STC1: variants seen among roughly 807,000 people sequenced by gnomAD.
STC1 encodes the protein stanniocalcin 1, also known as stanniocalcin-1.
STC1 carries 7 observed loss-of-function variants against 22.6 expected under a neutral mutation model. That is an observed-to-expected ratio of 0.31 (90% confidence interval 0.18 to 0.58). STC1 has a LOEUF of 0.58. STC1 is among the 20% of genes least tolerant of loss of function. The probability of loss-of-function intolerance (pLI) is 0.89; values close to 1 mark genes in which losing one functional copy is unlikely to be tolerated. For synonymous variants in STC1, 113 were observed against 120.7 expected (o/e 0.94, Z 0.42); for missense variants, 224 against 311.0 (o/e 0.72, Z 2.10).
At chr8:23,845,140 C>T (rs1414101563) in intron 3 of STC1, 100 bp from the exon 4 acceptor site, 2 of 1,260,576 alleles carry the variant, frequency 1.6e-6, no homozygotes, top group Non-Finnish European at 2.2e-6. Context: ...CCCTAATGGC[C>T]TGACCATGCA....
intron 2 of STC1, among the ~76,000 whole-genome samples, chr8:23,851,761 AG>A (rs1270627528): frequency 1.3e-5 from 2 of 152,030 alleles, no homozygotes; most frequent in Non-Finnish European, 2.9e-5. Context: ...ATGAAATTAC[AG>A]AAAAAAAAGA....
rs1445208329 is a variant in STC1 at position 23,854,684 on chromosome 8, T to TGCTGCTGCCACCGGTGCCTCC, written c.-182_-162dup. 2.7e-6 allele frequency: 2 copies of TGCTGCTGCCACCGGTGCCTCC among 752,890 alleles called. No individual in the cohort carries two copies. The highest frequency in any genetic ancestry group is 4.8e-6 in the Non-Finnish European group (2 of 419,448). 46.6% of individuals were successfully genotyped at this position (752,890 alleles called of 1,614,324 possible). On this transcript the variant is annotated 5_prime_UTR_variant, in exon 1 of 4. Transcript: ENST00000290271. ...TTTTTGTTGTTGTTGCTGGTGATGC[T>TGCTGCTGCCACCGGTGCCTCC]GCTGCTGCCACCGGTGCCTCCGCTG... is the stretch of plus-strand genomic sequence containing the variant.
Position 23,843,820 on chromosome 8 carries a change from A to C in STC1, c.*950T>G, listed in dbSNP as rs1235791149. The stretch of plus-strand genomic sequence containing the variant: ...AGGCCCATCTTAAGTTTTGATGTTG[A>C]ATTAAAACTACTTCTACCCCCTTAG... On this transcript the variant is annotated 3_prime_UTR_variant, in exon 4 of 4. Coordinates refer to ENST00000290271, the MANE Select transcript of STC1 (RefSeq NM_003155.3). 1.3e-5 allele frequency: 2 copies of C among 152,644 alleles called. No individual in the cohort carries two copies. Among genetic ancestry groups the C allele is most frequent in the Non-Finnish European group, 2.9e-5 (2 of 68,038 alleles). The allele number at this position is 152,644 out of a possible 1,614,324, so 9.5% of individuals were successfully genotyped here.
Position 23,852,314 on chromosome 8 carries a change from G to C in STC1, c.189C>G (p.Ser63=). The part of the protein sequence containing the change: ...GCGAFACLEN[S]TCDTDGMYDI... ...CATACATCCCATCTGTGTCACAGGTGGAGTTTTCCAGGCATGCAAAAGCCC... is the reference window on the plus strand; with the variant it reads ...CATACATCCCATCTGTGTCACAGGTCGAGTTTTCCAGGCATGCAAAAGCCC... The change falls in exon 2 of 4, where the codon TCC becomes TCG. Residue 63 remains serine, a synonymous_variant. Coordinates refer to ENST00000290271, the MANE Select transcript of STC1 (RefSeq NM_003155.3). The C allele has an allele frequency of 6.2e-7, 1 of 1,614,092 alleles. No individual in the cohort carries two copies. The highest frequency in any genetic ancestry group is 8.5e-7 in the Non-Finnish European group (1 of 1,180,014).
At chr8:23,853,017 A>G (rs892810398) in intron 1 of STC1, among the ~76,000 whole-genome samples, 2 of 150,210 alleles carry the variant, frequency 1.3e-5, no homozygotes, top group Non-Finnish European at 2.9e-5. Context: ...AATCTCTTTC[A>G]TATTAAAAGC....
At chr8:23,852,074 G>A (rs1802644605) in intron 2 of STC1, among the ~76,000 whole-genome samples, 168 bp downstream of exon 2, 1 of 152,020 alleles carries the variant, frequency 6.6e-6, no homozygotes, top group East Asian at 1.9e-4. Flanking sequence ...GTGTGTGTGT[G>A]TGTGTGTGCA....
intron 2 of STC1, 94 bp downstream of exon 2, chr8:23,852,148 G>T: frequency 2.0e-6 from 3 of 1,513,092 alleles, no homozygotes; most frequent in Non-Finnish European, 2.7e-6. Context: ...GAGAAGCAGG[G>T]CTGGTTCCCT....
chr8:23,845,016 G>A lies in STC1; in HGVS notation c.498C>T (p.Ser166=), dbSNP rs748018181. The change falls in exon 4 of 4, where the codon AGC becomes AGT. Residue 166 remains serine, a synonymous_variant. Coordinates refer to ENST00000290271, the MANE Select transcript of STC1 (RefSeq NM_003155.3). ...SNRYYNRLVR[S]LLECDEDTVS... ...CTGTGTCTTCATCACATTCCAGCAG[G>A]CTTCGGACAAGTCTGTTATAGTATC... 21 of 1,614,018 alleles carry A rather than the reference G, an allele frequency of 1.3e-5. No homozygotes were observed. In the South Asian group the frequency reaches 1.6e-4, roughly 13 times the overall value.
chr8:23,850,010 C>A (rs1396978193), intron 3 of STC1, among the ~76,000 whole-genome samples: 1 of 152,072 alleles, frequency 6.6e-6, no homozygotes, highest in Non-Finnish European at 1.5e-5. Flanking sequence ...TCTGAGGAAA[C>A]CATTTAGAAC....
chr8:23,854,527 C>T lies in STC1; in HGVS notation c.-4G>A. On this transcript the variant is annotated 5_prime_UTR_variant, in exon 1 of 4. Coordinates refer to ENST00000290271, the MANE Select transcript of STC1 (RefSeq NM_003155.3). The stretch of plus-strand genomic sequence containing the variant: ...GCACTGCTGAGTTTTGGAGCATTCT[C>T]TGAGAAGTTTCCGCTAAGTTGTTGG... The T allele has an allele frequency of 1.2e-6, 2 of 1,612,684 alleles. No individual in the cohort carries two copies. The highest frequency in any genetic ancestry group is 1.1e-5 in the South Asian group (1 of 90,888).
Position 23,842,592 on chromosome 8 carries a change from G to C in STC1, c.*2178C>G, listed in dbSNP as rs1406232469. On this transcript the variant is annotated 3_prime_UTR_variant, in exon 4 of 4. Transcript: ENST00000290271. ...GAACTACTTGTCGCATTGGGGTCCT[G>C]GCTTAGTTGGGTTTGCAAAATGGAC... 6.6e-6 allele frequency: 1 copy of C among 152,176 alleles called. No individual in the cohort carries two copies. Among genetic ancestry groups the C allele is most frequent in the African/African-American group, 2.4e-5 (1 of 41,356 alleles). The allele number at this position is 152,176 out of a possible 1,614,324, so 9.4% of individuals were successfully genotyped here.
At chr8:23,846,207 C>T (rs1339656474) in intron 3 of STC1, among the ~76,000 whole-genome samples, 1 of 151,854 alleles carries the variant, frequency 6.6e-6, no homozygotes, top group Non-Finnish European at 1.5e-5. Flanking sequence ...CTTTAAATAC[C>T]CCCAAGCAAT....
At position 23,852,796 on chromosome 8, in the gene STC1, G is replaced by A. The variant is rs148818225; in HGVS notation, c.119-412C>T. On this transcript the variant is annotated intron_variant, in intron 1 of 3. Transcript: ENST00000290271. ...GTGGTCAGGTTTAAGAGGTAAAAGG[G>A]CCAGGGAATCCATCTAGCTTTGGAA... 1.4e-4 allele frequency among the ~76,000 whole-genome samples: 22 copies of A among 152,252 alleles called. No homozygotes were observed. In the East Asian group the frequency reaches 4.1e-3, roughly 28 times the overall value.
intron 2 of STC1, 137 bp downstream of exon 2, chr8:23,852,105 C>T: frequency 2.1e-6 from 2 of 972,360 alleles, no homozygotes; most frequent in Non-Finnish European, 3.1e-6. Context: ...TGTGCATACA[C>T]ATGCTGAGAT....
Position 23,844,405 on chromosome 8 carries a change from C to T in STC1, c.*365G>A, listed in dbSNP as rs1802546608. 8.2e-6 allele frequency: 2 copies of T among 243,508 alleles called. No individual in the cohort carries two copies. The highest frequency in any genetic ancestry group is 5.0e-5 in the Admixed American group (1 of 20,076). The allele number at this position is 243,508 out of a possible 1,614,324, so 15.1% of individuals were successfully genotyped here. A position where few individuals can be genotyped will look rare whatever the true frequency, so the allele number is the denominator to read the frequency against. ...TCCTTATCAGCTAACTCTACTGGGG[C>T]AACCGTTCTAAAGGGATCCACATCT... On this transcript the variant is annotated 3_prime_UTR_variant, in exon 4 of 4. Coordinates refer to ENST00000290271, the MANE Select transcript of STC1 (RefSeq NM_003155.3).
At chr8:23,851,553 A>C (rs1802638119) in intron 2 of STC1, 22 bp from the exon 3 acceptor site, 1 of 1,612,560 alleles carries the variant, frequency 6.2e-7, no homozygotes, top group African/African-American at 1.3e-5. Flanking sequence ...GAAGGACAAG[A>C]GGGAGGTCTT....
At chr8:23,846,192 G>A (rs546109869) in intron 3 of STC1, among the ~76,000 whole-genome samples, 4 of 152,020 alleles carry the variant, frequency 2.6e-5, no homozygotes, top group African/African-American at 7.3e-5. Flanking sequence ...TCTTTGCAGC[G>A]AATTCTTTAA....
At chr8:23,845,176 G>T in intron 3 of STC1, 136 bp from the exon 4 acceptor site, 2 of 924,926 alleles carry the variant, frequency 2.2e-6, no homozygotes, top group Non-Finnish European at 3.2e-6. Flanking sequence ...TCAGCTGAAG[G>T]TGGCTTTTGC....
rs1300908055 is a variant in STC1 at position 23,854,446 on chromosome 8, A to G, written c.78T>C (p.Ser26=). The change falls in exon 1 of 4, where the codon TCT becomes TCC. Residue 26 remains serine, a synonymous_variant. Coordinates refer to ENST00000290271, the MANE Select transcript of STC1 (RefSeq NM_003155.3). ...SATHEAEQND[S]VSPRKSRVAA... ...CCACTCGGGATTTCCTGGGGCTCAC[A>G]GAGTCATTCTGCTCCGCCTCATGGG... 1 of 1,614,178 alleles carries G rather than the reference A, an allele frequency of 6.2e-7. No homozygotes were observed. Among genetic ancestry groups the G allele is most frequent in the East Asian group, 2.2e-5 (1 of 44,876 alleles).
Sources: gnomAD v4.1 joint callset for allele counts (sites outside exome capture counted in the v4.1 genomes callset) on GRCh38, gnomAD v4.1.1 for gene constraint, MANE v1.5 for transcripts, NCBI Gene and HGNC (gene_info 2026-07-23, HGNC 2026-07-21) for gene names.